Variants in FRAS1 observed in about 807,000 individuals in gnomAD.
FRAS1 encodes Fraser extracellular matrix complex subunit 1.
In FRAS1, 290 loss-of-function variants were observed where a neutral mutation model predicts 435.2. The ratio of observed to expected loss-of-function variants is 0.67; its 90% CI spans 0.61 to 0.73. FRAS1 has a LOEUF of 0.73. Ranked by LOEUF, FRAS1 falls within the 30% of genes least tolerant of loss-of-function variation. The pLI, the probability that FRAS1 is intolerant of heterozygous loss-of-function variation, is 0.00. For missense variants in FRAS1, 4,860 were observed against 5,001.5 expected, an observed-to-expected ratio of 0.97 and a Z score of 0.85; for synonymous variants, 1,800 against 1,851.0, an observed-to-expected ratio of 0.97 and a Z score of 0.71.
At chr4:78,286,758 C>G (rs1253133459) in intron 14 of FRAS1, among the ~76,000 whole-genome samples, 1 of 152,080 alleles carries the variant, frequency 6.6e-6, no homozygotes, top group Non-Finnish European at 1.5e-5. Flanking sequence ...CGGTTCTTAT[C>G]AATATGGTTT....
intron 43 of FRAS1, among the ~76,000 whole-genome samples, chr4:78,447,466 G>A (rs972803244): frequency 5.3e-5 from 8 of 151,740 alleles, no homozygotes; most frequent in Admixed American, 2.0e-4. Context: ...AGATTAAATT[G>A]TTGCAGTAGA....
At chr4:78,305,118 T>C (rs1728641642) in intron 14 of FRAS1, among the ~76,000 whole-genome samples, 1 of 152,124 alleles carries the variant, frequency 6.6e-6, no homozygotes. Context: ...TTTTGTTATG[T>C]ACCCAGTAGT....
In FRAS1 at chr4:78,429,699, C is replaced by T. The variant is rs189928756; in HGVS notation, c.4843+473C>T. 2.0e-4 allele frequency among the ~76,000 whole-genome samples: 31 copies of T among 152,194 alleles called. No individual in the cohort carries two copies. The East Asian group carries it at 3.7e-3, about 18-fold the overall frequency. ...TGAATTTAATCTTTAGAAATGTATT[C>T]TTTTATCAAGAACATTTTACTAATA... On this transcript the variant is annotated intron_variant, in intron 36 of 73. Coordinates refer to ENST00000512123, the MANE Select transcript of FRAS1 (RefSeq NM_025074.7).
rs1299338060 is a variant in FRAS1, at chr4:78,479,476, G to A, written c.8201G>A (p.Arg2734Lys). The change falls in exon 56 of 74, where the codon AGA (arginine) becomes AAA (lysine). Residue 2734 changes from arginine to lysine, a missense_variant. Transcript: ENST00000512123. ...GAATCAGGCTCTGATTTTAAATCTA[G>A]AGGGATGTCTGCCGCGAGTCGTGTG... ...ALESGSDFKS[R>K]GMSAASRVIF... 1 of 1,611,410 alleles carries A rather than the reference G, an allele frequency of 6.2e-7. No homozygotes were observed. Among genetic ancestry groups the A allele is most frequent in the South Asian group, 1.1e-5 (1 of 90,746 alleles).
chr4:78,166,971 G>A (rs1721357115), intron 2 of FRAS1, among the ~76,000 whole-genome samples: 1 of 152,048 alleles, frequency 6.6e-6, no homozygotes, highest in South Asian at 2.1e-4. Context: ...TGACTGCCTG[G>A]AGCACAACTC....
chr4:78,521,973 G>A (rs531116583), intron 68 of FRAS1, among the ~76,000 whole-genome samples: 3 of 152,116 alleles, frequency 2.0e-5, no homozygotes, highest in African/African-American at 4.8e-5. Context: ...TTCCACAAAC[G>A]TCTTTTCCAC....
intron 57 of FRAS1, 53 bp from the exon 58 acceptor site, chr4:78,482,335 A>ATGG: frequency 6.2e-7 from 1 of 1,607,998 alleles, no homozygotes; most frequent in Non-Finnish European, 8.5e-7. Flanking sequence ...GTCAAGGTAA[A>ATGG]TGGGTGTTAG....
At chr4:78,184,086 C>T (rs1053741721) in intron 2 of FRAS1, among the ~76,000 whole-genome samples, 42 of 152,182 alleles carry the variant, frequency 2.8e-4, no homozygotes, top group African/African-American at 2.7e-4. Context: ...ATTGTGCACA[C>T]ACTAGAGTTT....
At chr4:78,268,258 T>G (rs561926829) in intron 9 of FRAS1, among the ~76,000 whole-genome samples, 2 of 152,238 alleles carry the variant, frequency 1.3e-5, no homozygotes, top group Admixed American at 1.3e-4. Flanking sequence ...CTCCCCCACT[T>G]CTCAGCTCCT....
intron 71 of FRAS1, 134 bp from the exon 72 acceptor site, chr4:78,536,861 A>G: frequency 3.2e-6 from 2 of 615,886 alleles, no homozygotes; most frequent in Middle Eastern, 4.2e-4. Flanking sequence ...TTAGGGGCAC[A>G]TGGAATCATG....
Position 78,057,554 on chromosome 4 carries a change from C to T in FRAS1, c.-456C>T. 1 of 158,340 alleles carries T rather than the reference C, an allele frequency of 6.3e-6. No individual in the cohort carries two copies. The highest frequency in any genetic ancestry group is 1.4e-5 in the Non-Finnish European group (1 of 72,294). The allele number at this position is 158,340 out of a possible 1,614,324, so 9.8% of individuals were successfully genotyped here. On this transcript the variant is annotated 5_prime_UTR_variant, in exon 1 of 74. The change creates a new upstream start codon in the 5' untranslated region. Coordinates refer to ENST00000512123, the MANE Select transcript of FRAS1 (RefSeq NM_025074.7). This position sits in a 1 kb window ranked among gnomAD's most constrained non-coding sequence, Gnocchi z 4.2. ...ACCCGCGGTGCCGACGCAACGCCGA[C>T]GTATGGTGCCAAGCGAACTTTAAAA...
intron 14 of FRAS1, among the ~76,000 whole-genome samples, chr4:78,307,198 C>T (rs1728779760): frequency 6.6e-6 from 1 of 152,194 alleles, no homozygotes; most frequent in Non-Finnish European, 1.5e-5. Flanking sequence ...GTCAGGGACC[C>T]ACTTGAGGAG....
chr4:78,398,046 T>C (rs1438317551), intron 29 of FRAS1, among the ~76,000 whole-genome samples: 1 of 152,128 alleles, frequency 6.6e-6, no homozygotes, highest in Non-Finnish European at 1.5e-5. Flanking sequence ...CATCTGCAGA[T>C]GGTTGTGAAA....
At position 78,438,731 on chromosome 4, in the gene FRAS1, T is replaced by A. The variant is rs2170899; in HGVS notation, c.5366+13T>A. The A allele has an allele frequency of 2.5e-5, 39 of 1,569,438 alleles. No homozygotes were observed. Among genetic ancestry groups the A allele is most frequent in the Non-Finnish European group, 3.3e-5 (38 of 1,156,838 alleles). On this transcript the variant is annotated intron_variant, in intron 39 of 73. Transcript: ENST00000512123. Reference sequence around the variant, plus strand: ...ACAAGAAAATCAGGTACATAATCACTTTGTATTATTTGACAGATTCTTAAA... The same window carrying A: ...ACAAGAAAATCAGGTACATAATCACATTGTATTATTTGACAGATTCTTAAA...
At chr4:78,307,504 G>A (rs914150375) in intron 14 of FRAS1, among the ~76,000 whole-genome samples, 3 of 152,212 alleles carry the variant, frequency 2.0e-5, no homozygotes, top group Admixed American at 6.5e-5. Flanking sequence ...AGCAATCAGC[G>A]AGACTCCGTG....
At chr4:78,271,499 G>A (rs1726682376) in intron 9 of FRAS1, among the ~76,000 whole-genome samples, 1 of 152,082 alleles carries the variant, frequency 6.6e-6, no homozygotes, top group South Asian at 2.1e-4. Context: ...GGTGTGTGAT[G>A]TTCCCCTTCC....
rs1398131887 is a variant in FRAS1 at position 78,337,737 on chromosome 4, C to T, written c.2342C>T (p.Pro781Leu). Residue 781 changes from proline (P) to leucine (L), a missense_variant, in exon 20 of 74, where the codon CCT becomes CTT. Transcript: ENST00000512123. Reference protein sequence around the residue: ...PLESDCISCYPHISLTNGNCR... With the variant: ...PLESDCISCYLHISLTNGNCR... ...GAGTCTGACTGCATCTCCTGTTACC[C>T]TCACATCTCTCTTACCAATGGTAAC... is the stretch of plus-strand genomic sequence containing the variant. 2 of 1,613,826 alleles carry T rather than the reference C, an allele frequency of 1.2e-6. No individual in the cohort carries two copies. Among genetic ancestry groups the T allele is most frequent in the Non-Finnish European group, 1.7e-6 (2 of 1,179,848 alleles).
intron 2 of FRAS1, among the ~76,000 whole-genome samples, chr4:78,100,177 C>T (rs189767849): frequency 2.0e-5 from 3 of 152,192 alleles, no homozygotes; most frequent in Non-Finnish European, 2.9e-5. Flanking sequence ...CTTTCACTTA[C>T]TGTTATGTGA....
At chr4:78,496,763 T>C (rs776311383) in intron 59 of FRAS1, 42 bp from the exon 60 acceptor site, 3 of 1,560,190 alleles carry the variant, frequency 1.9e-6, no homozygotes, top group Admixed American at 4.0e-5. Context: ...ATCACTGATA[T>C]CTTGCTGAAA....
Sources: gnomAD v4.1 joint callset for allele counts (sites outside exome capture counted in the v4.1 genomes callset) on GRCh38, gnomAD v4.1.1 for gene constraint, Gnocchi (gnomAD v3.1) non-coding constraint, MANE v1.5 for transcripts, NCBI Gene and HGNC (gene_info 2026-07-23, HGNC 2026-07-21) for gene names.